The following ZNF471 variants were observed in gnomAD, a reference collection of about 807,000 sequenced individuals.
ZNF471 encodes EZFIT-related protein 1.
Under a neutral mutation model 13.7 loss-of-function variants are expected in ZNF471, and 7 were observed. The observed-to-expected ratio is 0.51, with a 90% CI of 0.29 to 0.96. The LOEUF (loss-of-function observed/expected upper bound fraction) is 0.96. Ranked by LOEUF, ZNF471 falls within the 40% of genes least tolerant of loss-of-function variation. The pLI is 0.08. For missense variants in ZNF471, 663 were observed against 743.3 expected, an observed-to-expected ratio of 0.89 and a Z score of 1.26; for synonymous variants, 218 against 235.6, an observed-to-expected ratio of 0.93 and a Z score of 0.68.
rs949777673 is a variant in ZNF471, at chr19:56,529,937, G to A, written c.*3989G>A. On this transcript the variant is annotated 3_prime_UTR_variant, in exon 5 of 5. Transcript: ENST00000308031. ...ACCCTTTGCCACAATTCTACACCTA[G>A]TCAGTTATGTTCTCAAAAAGCACAA... 1 of 152,200 alleles carries A rather than the reference G, an allele frequency of 6.6e-6. No homozygotes were observed. The highest frequency in any genetic ancestry group is 2.4e-5 in the African/African-American group (1 of 41,446). The allele number at this position is 152,200 out of a possible 1,614,324, so 9.4% of individuals were successfully genotyped here. A position where few individuals can be genotyped will look rare whatever the true frequency, so the allele number is the denominator to read the frequency against.
At position 56,510,704 on chromosome 19, in the gene ZNF471, T is replaced by C; in HGVS notation, c.-55-813T>C. 1.0e-6 allele frequency: 1 copy of C among 985,484 alleles called. No homozygotes were observed. The allele number at this position is 985,484 out of a possible 1,614,324, so 61.0% of individuals were successfully genotyped here. On this transcript the variant is annotated intron_variant, in intron 1 of 4. Transcript: ENST00000308031. This position sits in a 1 kb window ranked among gnomAD's most constrained non-coding sequence, Gnocchi z 4.3. The stretch of plus-strand genomic sequence containing the variant: ...ATTGTGGCCCTGTATGACTGCTGTG[T>C]ATGGAGAGACTACTTGGAAGATTGA...
rs538122710 is a variant in ZNF471, at chr19:56,524,734, G to A, written c.667G>A (p.Val223Ile). ...CTTCACCCATAGCTCATCCCTTACT[G>A]TTCATTTTAGAATTCATACTGGTGA... ...KTFTHSSSLT[V>I]HFRIHTGEKP... Residue 223 changes from valine (V) to isoleucine (I), a missense_variant, in exon 5 of 5, where the codon GTT (valine) becomes ATT (isoleucine). Val to Ile is a conservative substitution (Grantham distance 29). Coordinates refer to ENST00000308031, the MANE Select transcript of ZNF471 (RefSeq NM_020813.4). The surrounding 1 kb of genome is among the most constrained non-coding windows in gnomAD (Gnocchi z 4.8). 2.5e-6 allele frequency: 4 copies of A among 1,603,532 alleles called. No homozygotes were observed. The South Asian group carries it at 4.5e-5, about 18-fold the overall frequency.
At chr19:56,520,869 A>G (rs961163919) in intron 4 of ZNF471, among the ~76,000 whole-genome samples, 1 of 152,214 alleles carries the variant, frequency 6.6e-6, no homozygotes, top group Non-Finnish European at 1.5e-5. Flanking sequence ...TAAGTGTATT[A>G]GTCTGTTCTC....
In ZNF471 at chr19:56,524,573, AT is replaced by A; in HGVS notation, c.507del (p.Leu170TrpfsTer4). 1 of 1,597,458 alleles carries A rather than the reference AT, an allele frequency of 6.3e-7. No individual in the cohort carries two copies. The highest frequency in any genetic ancestry group is 8.5e-7 in the Non-Finnish European group (1 of 1,175,714). On this transcript the variant is annotated frameshift_variant, in exon 5 of 5. Coordinates refer to ENST00000308031, the MANE Select transcript of ZNF471 (RefSeq NM_020813.4). LOFTEE classifies it low-confidence loss of function (END_TRUNC). This position sits in a 1 kb window ranked among gnomAD's most constrained non-coding sequence, Gnocchi z 4.8. ...FKYTKFGKCI[H>X]LENIEESIYN... ...TATACTAAATTTGGGAAATGTATCC[AT>A]CTGGAAAACATAGAAGAGAGTATTT... is the stretch of plus-strand genomic sequence containing the variant.
intron 1 of ZNF471, chr19:56,509,636 A>T (rs1040291969): frequency 3.3e-5 from 3 of 91,568 alleles, no homozygotes; most frequent in African/African-American, 1.3e-4. Flanking sequence ...GTTGCCCTAG[A>T]GGTCACCCAC....
In ZNF471 at chr19:56,508,245, G is replaced by GTGTGTT. The variant is rs1367041736; in HGVS notation, c.-56+330_-56+331insTTGTGT. ...GTGTGGTTTCTGTGTGTGTGTGTGT[G>GTGTGTT]TGTGTGTGACAGACCGAGAGTCCAG... On this transcript the variant is annotated intron_variant, in intron 1 of 4. Coordinates refer to ENST00000308031, the MANE Select transcript of ZNF471 (RefSeq NM_020813.4). This position sits in a 1 kb window ranked among gnomAD's most constrained non-coding sequence, Gnocchi z 4.7. The GTGTGTT allele has an allele frequency of 1.1e-6, 1 of 920,484 alleles. No homozygotes were observed. The highest frequency in any genetic ancestry group is 1.9e-5 in the African/African-American group (1 of 52,562). The allele number at this position is 920,484 out of a possible 1,614,324, so 57.0% of individuals were successfully genotyped here.
chr19:56,524,590 G>T lies in ZNF471; in HGVS notation c.523G>T (p.Glu175Ter). ...GKCIHLENIEESIYNHTSDKK... is the reference protein window; with the variant it reads ...GKCIHLENIE ...ATGTATCCATCTGGAAAACATAGAA[G>T]AGAGTATTTATAATCACACATCAGA... The change falls in exon 5 of 5, where the codon GAG (glutamate) becomes TAG (stop). Residue 175 changes from glutamate (E) to a stop codon, truncating the protein, a stop_gained. Transcript: ENST00000308031. LOFTEE classifies it low-confidence loss of function (END_TRUNC). This position sits in a 1 kb window ranked among gnomAD's most constrained non-coding sequence, Gnocchi z 4.8. 1 of 1,595,436 alleles carries T rather than the reference G, an allele frequency of 6.3e-7. No homozygotes were observed. Among genetic ancestry groups the T allele is most frequent in the South Asian group, 1.2e-5 (1 of 86,650 alleles).
rs539463741 is a variant in ZNF471 at position 56,524,980 on chromosome 19, C to T, written c.913C>T (p.Leu305Phe). The T allele has an allele frequency of 1.2e-6, 2 of 1,614,142 alleles. No individual in the cohort carries two copies. Among genetic ancestry groups the T allele is most frequent in the Admixed American group, 3.3e-5 (2 of 60,020 alleles). Residue 305 changes from leucine to phenylalanine, a missense_variant, in exon 5 of 5, where the codon CTT becomes TTT. By Grantham distance (22) the Leu-to-Phe change is conservative (BLOSUM62 0). Coordinates refer to ENST00000308031, the MANE Select transcript of ZNF471 (RefSeq NM_020813.4). The surrounding 1 kb of genome is among the most constrained non-coding windows in gnomAD (Gnocchi z 4.8). Reference sequence around the variant, plus strand: ...AAAAGCCTTCAGACAGCCTGCACACCTTGCTCAGCATCAGAGAATTCATAC... The same window carrying T: ...AAAAGCCTTCAGACAGCCTGCACACTTTGCTCAGCATCAGAGAATTCATAC... ...CRKAFRQPAHLAQHQRIHTGE... is the reference protein window; with the variant it reads ...CRKAFRQPAHFAQHQRIHTGE...
Position 56,510,979 on chromosome 19 carries a change from G to A in ZNF471, c.-55-538G>A, listed in dbSNP as rs550015174. 1.8e-5 allele frequency: 18 copies of A among 984,178 alleles called. No individual in the cohort carries two copies. The East Asian group carries it at 1.7e-3, about 93-fold the overall frequency. The allele number at this position is 984,178 out of a possible 1,614,324, so 61.0% of individuals were successfully genotyped here. ...AAAGGTTCCATCGTTTCAGGGTGAG[G>A]AAAGTGAAACAGTGCCGGGGGGTGG... On this transcript the variant is annotated intron_variant, in intron 1 of 4. Transcript: ENST00000308031. This position sits in a 1 kb window ranked among gnomAD's most constrained non-coding sequence, Gnocchi z 4.3.
At chr19:56,509,614 T>C (rs148175716) in intron 1 of ZNF471, among the ~76,000 whole-genome samples, 253 of 151,498 alleles carry the variant, frequency 1.7e-3, no homozygotes, top group Admixed American at 1.9e-3. Flanking sequence ...AGGTAGATAG[T>C]GTCAGAATTG....
intron 2 of ZNF471, among the ~76,000 whole-genome samples, chr19:56,512,199 G>T (rs1290820885): frequency 6.7e-6 from 1 of 149,284 alleles, no homozygotes; most frequent in Non-Finnish European, 1.5e-5. Context: ...GTTATTTTAA[G>T]AAGTTATTCT....
Position 56,511,552 on chromosome 19 carries a change from G to T in ZNF471, c.-20G>T, listed in dbSNP as rs1314215898. ...CCAAGACACTGTTCTTCAAGAGAAAGACCAGAAGAGAAGGCAAAAATGAAT... is the reference window on the plus strand; with the variant it reads ...CCAAGACACTGTTCTTCAAGAGAAATACCAGAAGAGAAGGCAAAAATGAAT... On this transcript the variant is annotated 5_prime_UTR_variant, in exon 2 of 5. Transcript: ENST00000308031. 2 of 1,613,814 alleles carry T rather than the reference G, an allele frequency of 1.2e-6. No individual in the cohort carries two copies.
chr19:56,519,741 T>C (rs1021583508), intron 4 of ZNF471, among the ~76,000 whole-genome samples: 1 of 152,262 alleles, frequency 6.6e-6, no homozygotes, highest in African/African-American at 2.4e-5. Flanking sequence ...TTTTGCCTTC[T>C]GCAGTTTGTT....
rs1277939148 is a variant in ZNF471 at position 56,525,176 on chromosome 19, C to T, written c.1109C>T (p.Thr370Ile). ...SFIRHWRSYH[T>I]GEKPFNCIDC... ...ATTCGTCACTGGAGGAGTTATCATA[C>T]TGGAGAGAAGCCTTTTAATTGCATT... The change falls in exon 5 of 5, where the codon ACT becomes ATT. Residue 370 changes from threonine to isoleucine, a missense_variant. By Grantham distance (89) the Thr-to-Ile change is moderately conservative (BLOSUM62 -1). Transcript: ENST00000308031. The T allele has an allele frequency of 1.2e-6, 2 of 1,614,040 alleles. No individual in the cohort carries two copies. The highest frequency in any genetic ancestry group is 1.3e-5 in the African/African-American group (1 of 74,920).
Position 56,525,137 on chromosome 19 carries a change from A to G in ZNF471, c.1070A>G (p.Tyr357Cys), listed in dbSNP as rs1409955979. 8 of 1,614,210 alleles carry G rather than the reference A, an allele frequency of 5.0e-6. No individual in the cohort carries two copies. The highest frequency in any genetic ancestry group is 6.8e-6 in the Non-Finnish European group (8 of 1,180,036). The change falls in exon 5 of 5, where the codon TAT becomes TGT. Residue 357 changes from tyrosine (Y) to cysteine (C), a missense_variant. Transcript: ENST00000308031. ...ECIECGKAFR[Y>C]NTSFIRHWRS... ...ATTGAGTGTGGGAAGGCTTTTAGGT[A>G]TAACACATCTTTTATTCGTCACTGG...
intron 2 of ZNF471, among the ~76,000 whole-genome samples, chr19:56,513,290 A>G (rs2147907291): frequency 6.6e-6 from 1 of 152,310 alleles, no homozygotes; most frequent in Middle Eastern, 3.4e-3. Flanking sequence ...CATTAACCCC[A>G]CCACCTGAAA....
In ZNF471 at chr19:56,528,901, A is replaced by C. The variant is rs560529497; in HGVS notation, c.*2953A>C. 1 of 150,826 alleles carries C rather than the reference A, an allele frequency of 6.6e-6. No homozygotes were observed. The highest frequency in any genetic ancestry group is 2.1e-4 in the South Asian group (1 of 4,760). The allele number at this position is 150,826 out of a possible 1,614,324, so 9.3% of individuals were successfully genotyped here. On this transcript the variant is annotated 3_prime_UTR_variant, in exon 5 of 5. Transcript: ENST00000308031. ...CCAAGTAAAGTTGTTCCACTAGTAA[A>C]GTTGTTCTGGAGTATATTTTTTTTA...
In ZNF471 at chr19:56,524,859, T is replaced by C. The variant is rs750567042; in HGVS notation, c.792T>C (p.Cys264=). The part of the protein sequence containing the change: ...RTHTGEKLFE[C]KECRKAFKQS... Reference sequence around the variant, plus strand: ...ATACTGGAGAGAAACTCTTTGAATGTAAAGAATGTAGGAAAGCCTTCAAAC... The same window carrying C: ...ATACTGGAGAGAAACTCTTTGAATGCAAAGAATGTAGGAAAGCCTTCAAAC... Residue 264 remains cysteine (C), a synonymous_variant, in exon 5 of 5, where the codon TGT becomes TGC. Transcript: ENST00000308031. The surrounding 1 kb of genome is among the most constrained non-coding windows in gnomAD (Gnocchi z 4.8). 1 of 1,610,484 alleles carries C rather than the reference T, an allele frequency of 6.2e-7. No homozygotes were observed. The highest frequency in any genetic ancestry group is 1.1e-5 in the South Asian group (1 of 90,412).
rs913673467 is a variant in ZNF471, at chr19:56,527,514, A to G, written c.*1566A>G. The G allele has an allele frequency of 6.6e-6, 1 of 152,236 alleles. No individual in the cohort carries two copies. Among genetic ancestry groups the G allele is most frequent in the Non-Finnish European group, 1.5e-5 (1 of 68,050 alleles). The allele number at this position is 152,236 out of a possible 1,614,324, so 9.4% of individuals were successfully genotyped here. A position where few individuals can be genotyped will look rare whatever the true frequency, so the allele number is the denominator to read the frequency against. On this transcript the variant is annotated 3_prime_UTR_variant, in exon 5 of 5. Coordinates refer to ENST00000308031, the MANE Select transcript of ZNF471 (RefSeq NM_020813.4). ...AGAAGTAGGCTTCAGAAGGTGGGAA[A>G]TAACAAACTCCTCTGAGCTAAAGGA...
Sources: gnomAD v4.1 joint callset for allele counts (sites outside exome capture counted in the v4.1 genomes callset) on GRCh38, gnomAD v4.1.1 for gene constraint, Gnocchi (gnomAD v3.1) non-coding constraint, MANE v1.5 for transcripts, NCBI Gene and HGNC (gene_info 2026-07-23, HGNC 2026-07-21) for gene names.